The following SETD6 variants were observed in gnomAD, a reference collection of about 807,000 sequenced individuals.
SETD6 encodes N-lysine methyltransferase SETD6.
A neutral mutation model predicts 52.7 loss-of-function variants in SETD6; 67 were observed. The ratio of observed to expected loss-of-function variants is 1.27; its 90% confidence interval spans 1.04 to 1.56. SETD6 has a LOEUF of 1.56. Ranked by LOEUF, SETD6 falls within the 40% of genes most tolerant of loss-of-function variation. The probability of loss-of-function intolerance (pLI) is 0.00; values close to 1 mark genes in which losing one functional copy is unlikely to be tolerated. For synonymous variants in SETD6, 307 were observed against 250.2 expected (o/e 1.23, Z -2.14); for missense variants, 712 against 607.5 (o/e 1.17, Z -1.81).
In SETD6 at chr16:58,518,179, A is replaced by T. The variant is rs775357171; in HGVS notation, c.921A>T (p.Thr307=). Reference sequence around the variant, plus strand: ...TTGTTGAACCATATCCTGACAACACAGATGACACAGCTGACATTCAGATGG... The same window carrying T: ...TTGTTGAACCATATCCTGACAACACTGATGACACAGCTGACATTCAGATGG... The part of the protein sequence containing the change: ...YGFVEPYPDN[T]DDTADIQMVT... Residue 307 remains threonine (T), a synonymous_variant, in exon 6 of 8, where the codon ACA becomes ACT. Coordinates refer to ENST00000219315, the MANE Select transcript of SETD6 (RefSeq NM_001160305.4). 3.1e-6 allele frequency: 5 copies of T among 1,614,242 alleles called. No homozygotes were observed. The South Asian group carries it at 5.5e-5, about 18-fold the overall frequency.
chr16:58,516,909 C>G lies in SETD6; in HGVS notation c.773C>G (p.Ala258Gly), dbSNP rs766378092. 1.9e-6 allele frequency: 3 copies of G among 1,614,178 alleles called. No individual in the cohort carries two copies. The South Asian group carries it at 3.3e-5, about 18-fold the overall frequency. ...CTAAACCACTTAGCCAATCACAACGCCAATCTAGAATACTCTGCGGTGAGT... is the reference window on the plus strand; with the variant it reads ...CTAAACCACTTAGCCAATCACAACGGCAATCTAGAATACTCTGCGGTGAGT... ...DILNHLANHN[A>G]NLEYSANCLR... The change falls in exon 5 of 8, where the codon GCC (alanine) becomes GGC (glycine). Residue 258 changes from alanine (A) to glycine (G), a missense_variant. Ala to Gly is a moderately conservative substitution (Grantham distance 60). Transcript: ENST00000219315.
At chr16:58,518,679 A>G in intron 7 of SETD6, 45 bp from the exon 8 acceptor site, 9 of 1,600,864 alleles carry the variant, frequency 5.6e-6, no homozygotes, top group Non-Finnish European at 7.6e-6. Flanking sequence ...TTTCAGAAGT[A>G]CAAAAGCAGT....
chr16:58,515,729 T>A lies in SETD6; in HGVS notation c.28-62T>A, dbSNP rs576351579. 14 of 1,411,590 alleles carry A rather than the reference T, an allele frequency of 9.9e-6. No individual in the cohort carries two copies. The African/African-American group carries it at 1.7e-4, about 17-fold the overall frequency. 87.4% of individuals were successfully genotyped at this position (1,411,590 alleles called of 1,614,324 possible). ...CCCGTTCTGCGCTCGCGCCGCGGTCTCCTGCAGTTCCCAGCGGCCTCTCTG... is the reference window on the plus strand; with the variant it reads ...CCCGTTCTGCGCTCGCGCCGCGGTCACCTGCAGTTCCCAGCGGCCTCTCTG... On this transcript the variant is annotated intron_variant, in intron 1 of 7. Transcript: ENST00000219315.
rs200271172 is a variant in SETD6 at position 58,518,491 on chromosome 16, T to A, written c.1064T>A (p.Val355Glu). Residue 355 changes from valine to glutamate, a missense_variant, in exon 7 of 8, where the codon GTG becomes GAG. Coordinates refer to ENST00000219315, the MANE Select transcript of SETD6 (RefSeq NM_001160305.4). Reference protein sequence around the residue: ...LEMVGEEGAFVIGREEVLTEE... With the variant: ...LEMVGEEGAFEIGREEVLTEE... ...ATGGTAGGGGAAGAGGGAGCCTTTG[T>A]GATAGGGAGGGAGGAGGTGCTGACT... 1.3e-6 allele frequency: 2 copies of A among 1,591,152 alleles called. No individual in the cohort carries two copies. Among genetic ancestry groups the A allele is most frequent in the Non-Finnish European group, 1.7e-6 (2 of 1,174,852 alleles).
rs1312014039 is a variant in SETD6 at position 58,519,134 on chromosome 16, A to C, written c.*105A>C. On this transcript the variant is annotated 3_prime_UTR_variant, in exon 8 of 8. Coordinates refer to ENST00000219315, the MANE Select transcript of SETD6 (RefSeq NM_001160305.4). The stretch of plus-strand genomic sequence containing the variant: ...AATTTGGATCTTTCTTTTGCTTACT[A>C]AACACCAAGAGGAAAAGTAGCAAAG... 1.7e-6 allele frequency: 2 copies of C among 1,184,048 alleles called. No homozygotes were observed. Among genetic ancestry groups the C allele is most frequent in the Non-Finnish European group, 2.3e-6 (2 of 866,736 alleles). The allele number at this position is 1,184,048 out of a possible 1,614,324, so 73.3% of individuals were successfully genotyped here.
At position 58,522,701 on chromosome 16, in the gene SETD6, C is replaced by G. The variant is rs986597392; in HGVS notation, c.*3672C>G. Among the ~76,000 whole-genome samples the G allele has an allele frequency of 2.0e-5, 3 of 152,142 alleles. No individual in the cohort carries two copies. The highest frequency in any genetic ancestry group is 6.5e-5 in the Admixed American group (1 of 15,276). The stretch of plus-strand genomic sequence containing the variant: ...AACCCAGAGGTAATGAGGAAAAGTC[C>G]AAGTTCCTTAACATAGACTTCATAG... On this transcript the variant is annotated 3_prime_UTR_variant, in exon 8 of 8. Coordinates refer to ENST00000219315, the MANE Select transcript of SETD6 (RefSeq NM_001160305.4).
chr16:58,519,050 G>A lies in SETD6; in HGVS notation c.*21G>A. 1.9e-6 allele frequency: 3 copies of A among 1,584,794 alleles called. No individual in the cohort carries two copies. Among genetic ancestry groups the A allele is most frequent in the Non-Finnish European group, 2.6e-6 (3 of 1,166,290 alleles). On this transcript the variant is annotated 3_prime_UTR_variant, in exon 8 of 8. Transcript: ENST00000219315. ...GTTAGCAGTTTCCCTGTTCCCTGAA[G>A]GAACAGCAATAAGAACTTTATTCTA... is the stretch of plus-strand genomic sequence containing the variant.
Position 58,518,133 on chromosome 16 carries a change from A to G in SETD6, c.875A>G (p.Gln292Arg), listed in dbSNP as rs756553353. 1 of 1,614,222 alleles carries G rather than the reference A, an allele frequency of 6.2e-7. No individual in the cohort carries two copies. The highest frequency in any genetic ancestry group is 1.7e-5 in the Admixed American group (1 of 60,028). Residue 292 changes from glutamine to arginine, a missense_variant, in exon 6 of 8, where the codon CAA (glutamine) becomes CGA (arginine). Gln to Arg is a conservative substitution (Grantham distance 43). Transcript: ENST00000219315. ...FNTYGQMANW[Q>R]LIHMYGFVEP... The stretch of plus-strand genomic sequence containing the variant: ...ACTTATGGGCAAATGGCTAACTGGC[A>G]ACTGATTCATATGTACGGTTTTGTT...
rs2039445532 is a variant in SETD6 at position 58,522,695 on chromosome 16, A to G, written c.*3666A>G. The stretch of plus-strand genomic sequence containing the variant: ...GCTTTCAACCCAGAGGTAATGAGGA[A>G]AAGTCCAAGTTCCTTAACATAGACT... On this transcript the variant is annotated 3_prime_UTR_variant, in exon 8 of 8. Coordinates refer to ENST00000219315, the MANE Select transcript of SETD6 (RefSeq NM_001160305.4). Among the ~76,000 whole-genome samples, 1 of 152,226 alleles carries G rather than the reference A, an allele frequency of 6.6e-6. No homozygotes were observed. Among genetic ancestry groups the G allele is most frequent in the Non-Finnish European group, 1.5e-5 (1 of 68,038 alleles).
At chr16:58,518,371 G>A (rs1368351727) in intron 6 of SETD6, 30 bp from the exon 7 acceptor site, 3 of 1,582,676 alleles carry the variant, frequency 1.9e-6, no homozygotes, top group Middle Eastern at 1.7e-4. Flanking sequence ...TGGGTGTACT[G>A]AGACTTTCAC....
At chr16:58,516,396 A>AAG (rs1555491343) in intron 3 of SETD6, 53 bp downstream of exon 3, 9 of 1,612,302 alleles carry the variant, frequency 5.6e-6, no homozygotes, top group Admixed American at 3.3e-5. Flanking sequence ...CTGCTGCAAG[A>AAG]AGTTTCCCCG....
At position 58,520,026 on chromosome 16, in the gene SETD6, A is replaced by C. The variant is rs1466288878; in HGVS notation, c.*997A>C. On this transcript the variant is annotated 3_prime_UTR_variant, in exon 8 of 8. Transcript: ENST00000219315. ...AGTAGGGGAGCTGAAGCCCAGGAAA[A>C]GGCTACAAAATACAACACAGGGACC... The C allele has an allele frequency of 1.3e-5, 2 of 152,246 alleles. No individual in the cohort carries two copies. Among genetic ancestry groups the C allele is most frequent in the Non-Finnish European group, 2.9e-5 (2 of 68,056 alleles). The allele number at this position is 152,246 out of a possible 1,614,324, so 9.4% of individuals were successfully genotyped here. A position where few individuals can be genotyped will look rare whatever the true frequency, so the allele number is the denominator to read the frequency against.
In SETD6 at chr16:58,515,574, G is replaced by T; in HGVS notation, c.27+10G>T. 1.3e-6 allele frequency: 2 copies of T among 1,567,634 alleles called. No individual in the cohort carries two copies. Among genetic ancestry groups the T allele is most frequent in the East Asian group, 2.4e-5 (1 of 41,138 alleles). On this transcript the variant is annotated intron_variant, in intron 1 of 7. Transcript: ENST00000219315. ...GGCGAAGCGTCCACGGGTGAGTGGC[G>T]GGCGCGGGGTCCAGCCTTTTCCTCC...
chr16:58,521,064 C>CTT lies in SETD6; in HGVS notation c.*2036_*2037insTT. On this transcript the variant is annotated 3_prime_UTR_variant, in exon 8 of 8. Coordinates refer to ENST00000219315, the MANE Select transcript of SETD6 (RefSeq NM_001160305.4). ...GAAGGATGAAGACAGTTACAAATCT[C>CTT]TGATTAAAGAGTAGGCCTAACAATA... 1 of 1,614,080 alleles carries CTT rather than the reference C, an allele frequency of 6.2e-7. No individual in the cohort carries two copies. The highest frequency in any genetic ancestry group is 8.5e-7 in the Non-Finnish European group (1 of 1,180,002).
In SETD6 at chr16:58,515,795, C is replaced by G; in HGVS notation, c.32C>G (p.Ala11Gly). 6.6e-7 allele frequency: 1 copy of G among 1,509,246 alleles called. No individual in the cohort carries two copies. Among genetic ancestry groups the G allele is most frequent in the South Asian group, 1.3e-5 (1 of 77,430 alleles). The allele number at this position is 1,509,246 out of a possible 1,614,324, so 93.5% of individuals were successfully genotyped here. A position where few individuals can be genotyped will look rare whatever the true frequency, so the allele number is the denominator to read the frequency against. The change falls in exon 2 of 8, where the codon GCG becomes GGG. Residue 11 changes from alanine to glycine, a missense_variant. Physicochemically the swap from Ala to Gly is moderately conservative, Grantham distance 60. Transcript: ENST00000219315. ...CACTGCGCGCACTTATCTCAGGTGG[C>G]GGGGCCCGTGGACGGCGGCGACCTG... MATQAKRPRV[A>G]GPVDGGDLDP...
In SETD6 at chr16:58,523,269, A is replaced by G; in HGVS notation, c.*4240A>G. ...CAAAAAAACAAAAAAAAAACCAACC[A>G]AACGGATTTTCACTGAACACTGAAA... On this transcript the variant is annotated 3_prime_UTR_variant, in exon 8 of 8. Transcript: ENST00000219315. 3 of 1,318,002 alleles carry G rather than the reference A, an allele frequency of 2.3e-6. No homozygotes were observed. Among genetic ancestry groups the G allele is most frequent in the Non-Finnish European group, 3.1e-6 (3 of 976,800 alleles). 81.6% of individuals were successfully genotyped at this position (1,318,002 alleles called of 1,614,324 possible). A position where few individuals can be genotyped will look rare whatever the true frequency, so the allele number is the denominator to read the frequency against.
rs1235758612 is a variant in SETD6 at position 58,518,724 on chromosome 16, G to C, written c.1117G>C (p.Val373Leu). Residue 373 changes from valine to leucine, a missense_variant and splice_region_variant, in exon 8 of 8, where the codon GTA (valine) becomes CTA (leucine). Val to Leu is a conservative substitution (Grantham distance 32). Transcript: ENST00000219315. ...TAAAGAGCTCTGTGGTTGCTTCTAG[G>C]TACTGTGCATGCCTGCTGAGGAGTT... ...TEEELTTTLKVLCMPAEEFRE... is the reference protein window; with the variant it reads ...TEEELTTTLKLLCMPAEEFRE... 6.2e-7 allele frequency: 1 copy of C among 1,613,458 alleles called. No homozygotes were observed. Among genetic ancestry groups the C allele is most frequent in the Non-Finnish European group, 8.5e-7 (1 of 1,179,784 alleles).
intron 5 of SETD6, 146 bp downstream of exon 5, chr16:58,517,074 C>A: frequency 1.7e-6 from 2 of 1,186,004 alleles, no homozygotes; most frequent in Middle Eastern, 1.9e-4. Context: ...ACTGTAGAAT[C>A]ATTTGAATGC....
intron 5 of SETD6, 25 bp from the exon 6 acceptor site, chr16:58,518,025 GC>G: frequency 6.2e-7 from 1 of 1,613,902 alleles, no homozygotes; most frequent in Non-Finnish European, 8.5e-7. Context: ...GAAAGGCATG[GC>G]CCCAGCTTCT....
Sources: gnomAD v4.1 joint callset for allele counts (sites outside exome capture counted in the v4.1 genomes callset) on GRCh38, gnomAD v4.1.1 for gene constraint, MANE v1.5 for transcripts, NCBI Gene and HGNC (gene_info 2026-07-23, HGNC 2026-07-21) for gene names.